Variants in TMEM108 observed in about 807,000 individuals in gnomAD.
TMEM108 encodes cancer/testis antigen 124.
In TMEM108, 12 loss-of-function variants were observed where a neutral mutation model predicts 35.1. The ratio of observed to expected loss-of-function variants is 0.34; its 90% CI spans 0.22 to 0.55. The LOEUF (loss-of-function observed/expected upper bound fraction) is 0.55, where lower values mean the gene tolerates loss of function less well. Among genes scored for constraint, TMEM108 ranks in the 20% least tolerant of loss-of-function variants. The pLI is 0.89. For missense variants in TMEM108, 680 were observed against 753.3 expected (o/e 0.90, Z 1.14); for synonymous variants, 287 against 308.6 (o/e 0.93, Z 0.73).
At chr3:133,336,953 G>A (rs374429044) in intron 3 of TMEM108, among the ~76,000 whole-genome samples, 1 of 151,928 alleles carries the variant, frequency 6.6e-6, no homozygotes, top group Non-Finnish European at 1.5e-5. Context: ...TGTGAGGTGA[G>A]GCTTCTCTCC....
chr3:133,303,498 G>A (rs935292034), intron 3 of TMEM108, among the ~76,000 whole-genome samples: 4 of 152,022 alleles, frequency 2.6e-5, no homozygotes, highest in East Asian at 1.9e-4. Flanking sequence ...AATAAGCTGC[G>A]GATTCAGTAT....
chr3:133,167,801 A>T (rs986210713), intron 2 of TMEM108, among the ~76,000 whole-genome samples: 2 of 151,998 alleles, frequency 1.3e-5, no homozygotes, highest in East Asian at 3.9e-4. Flanking sequence ...AAGCAGAGGG[A>T]GCTGGCTCCA....
chr3:133,202,123 C>T (rs1285577073), intron 2 of TMEM108, among the ~76,000 whole-genome samples: 1 of 151,736 alleles, frequency 6.6e-6, no homozygotes, highest in Non-Finnish European at 1.5e-5. Flanking sequence ...TGTTCATATC[C>T]TTTGCCTACT....
At chr3:133,341,717 G>C (rs1357384525) in intron 3 of TMEM108, among the ~76,000 whole-genome samples, 2 of 151,746 alleles carry the variant, frequency 1.3e-5, no homozygotes, top group East Asian at 3.8e-4. Context: ...AGAGAACCTG[G>C]AGAAAAATCC....
intron 2 of TMEM108, among the ~76,000 whole-genome samples, chr3:133,138,740 AG>A (rs1944599761): frequency 6.6e-6 from 1 of 151,988 alleles, no homozygotes; most frequent in Admixed American, 6.6e-5. Flanking sequence ...GCATAGTTGC[AG>A]GGGCCATTTG....
In TMEM108 at chr3:133,040,203, TTTG is replaced by T. The variant is rs1441964283; in HGVS notation, c.-166+1771_-166+1773del. On this transcript the variant is annotated intron_variant, in intron 1 of 5. Transcript: ENST00000321871. ...TATCACAGTTTTTTTTGTTTGTTTG[TTTG>T]TTTTTTTTTTTTTTTGAGACGGAGT... is the stretch of plus-strand genomic sequence containing the variant. Among the ~76,000 whole-genome samples, 281 of 116,310 alleles carry T rather than the reference TTTG, an allele frequency of 2.4e-3. 1 individual carries two copies. Among genetic ancestry groups the T allele is most frequent in the African/African-American group, 5.8e-3 (192 of 33,294 alleles). 76.3% of individuals were successfully genotyped at this position (116,310 alleles called of 152,430 possible). A position where few individuals can be genotyped will look rare whatever the true frequency, so the allele number is the denominator to read the frequency against.
chr3:133,331,004 G>T (rs11926865), intron 3 of TMEM108, among the ~76,000 whole-genome samples: 3 of 152,076 alleles, frequency 2.0e-5, no homozygotes, highest in Non-Finnish European at 4.4e-5. Context: ...GGAGGGACGG[G>T]GATGGGGATT....
intron 3 of TMEM108, among the ~76,000 whole-genome samples, chr3:133,373,861 C>G (rs1200934247): frequency 6.6e-6 from 1 of 152,198 alleles, no homozygotes; most frequent in African/African-American, 2.4e-5. Flanking sequence ...GTTCAAAAAT[C>G]TTAGGGTTGA....
At chr3:133,353,442 A>G (rs1389230131) in intron 3 of TMEM108, among the ~76,000 whole-genome samples, 3 of 152,236 alleles carry the variant, frequency 2.0e-5, no homozygotes, top group Non-Finnish European at 4.4e-5. Flanking sequence ...GAGCAGTGGC[A>G]GAGCAAGAAT....
At chr3:133,114,918 A>G (rs1190061587) in intron 2 of TMEM108, among the ~76,000 whole-genome samples, 1 of 152,090 alleles carries the variant, frequency 6.6e-6, no homozygotes. Flanking sequence ...TTTTTTCCCA[A>G]AGTGGACCTA....
At chr3:133,057,130 T>C (rs1277827377) in intron 2 of TMEM108, among the ~76,000 whole-genome samples, 3 of 152,148 alleles carry the variant, frequency 2.0e-5, no homozygotes, top group Non-Finnish European at 4.4e-5. Context: ...AATTCTGCCC[T>C]CGTCTGTCAG....
Position 133,380,357 on chromosome 3 carries a change from A to ATCTT in TMEM108, c.649_652dup (p.Gln218LeufsTer108). The ATCTT allele has an allele frequency of 6.2e-7, 1 of 1,614,056 alleles. No individual in the cohort carries two copies. Among genetic ancestry groups the ATCTT allele is most frequent in the Non-Finnish European group, 8.5e-7 (1 of 1,179,980 alleles). ...GGGGCAGAAGCGGCCCCTGGGGAAA[A>ATCTT]TCTTTCAGATCTACAAGGGCAACTT... On this transcript the variant is annotated frameshift_variant, in exon 4 of 6. Transcript: ENST00000321871. LOFTEE classifies it high-confidence loss of function. This position sits in a 1 kb window ranked among gnomAD's most constrained non-coding sequence, Gnocchi z 5.3.
chr3:133,250,510 G>A (rs1054666246), intron 3 of TMEM108, among the ~76,000 whole-genome samples: 1 of 152,194 alleles, frequency 6.6e-6, no homozygotes, highest in Non-Finnish European at 1.5e-5. Flanking sequence ...TAGGCTATTA[G>A]TAGTTAAGTT....
intron 3 of TMEM108, chr3:133,378,255 A>C: frequency 1.2e-6 from 1 of 824,264 alleles, no homozygotes; most frequent in Non-Finnish European, 1.5e-6. Flanking sequence ...GCCCATGCCC[A>C]GGCTCCACCA....
intron 2 of TMEM108, among the ~76,000 whole-genome samples, chr3:133,193,528 G>C (rs1945530816): frequency 6.6e-6 from 1 of 152,096 alleles, no homozygotes; most frequent in Admixed American, 6.6e-5. Flanking sequence ...TTATGACCCT[G>C]AGTAACCTAA....
At chr3:133,103,886 A>G (rs1482887449) in intron 2 of TMEM108, among the ~76,000 whole-genome samples, 2 of 152,228 alleles carry the variant, frequency 1.3e-5, no homozygotes, top group Non-Finnish European at 2.9e-5. Context: ...CTTTGGGATG[A>G]TGCATGAAAC....
intron 3 of TMEM108, among the ~76,000 whole-genome samples, chr3:133,330,243 T>A (rs1201741955): frequency 6.6e-6 from 1 of 152,168 alleles, no homozygotes; most frequent in African/African-American, 2.4e-5. Context: ...TAGCTGCTGC[T>A]GAGACTCCTC....
At chr3:133,170,915 G>A (rs554450086) in intron 2 of TMEM108, among the ~76,000 whole-genome samples, 15 of 152,268 alleles carry the variant, frequency 9.9e-5, no homozygotes, top group South Asian at 4.1e-4. Context: ...GTTAAACCCC[G>A]TATCACCCAG....
intron 3 of TMEM108, among the ~76,000 whole-genome samples, chr3:133,365,262 G>T (rs2072471810): frequency 6.6e-6 from 1 of 152,156 alleles, no homozygotes; most frequent in Non-Finnish European, 1.5e-5. Flanking sequence ...GAACCAAAAA[G>T]AGGACATCAT....
Sources: gnomAD v4.1 joint callset for allele counts (sites outside exome capture counted in the v4.1 genomes callset) on GRCh38, gnomAD v4.1.1 for gene constraint, Gnocchi (gnomAD v3.1) non-coding constraint, MANE v1.5 for transcripts, NCBI Gene and HGNC (gene_info 2026-07-23, HGNC 2026-07-21) for gene names.